The following SPI1 variants were observed in gnomAD, a reference collection of about 807,000 sequenced individuals.
SPI1 encodes Spi-1 proto-oncogene, also known as transcription factor PU.1.
A neutral mutation model predicts 30.7 loss-of-function variants in SPI1; 3 were observed. That is an observed-to-expected ratio of 0.10 (90% CI 0.04 to 0.25). The LOEUF (loss-of-function observed/expected upper bound fraction) is 0.25, where lower values mean the gene tolerates loss of function less well. Among genes scored for constraint, SPI1 ranks in the 10% least tolerant of loss-of-function variants. The probability of loss-of-function intolerance (pLI) is 1.00; values close to 1 mark genes in which losing one functional copy is unlikely to be tolerated. For missense variants in SPI1, 261 were observed against 371.5 expected (o/e 0.70, Z 2.45); for synonymous variants, 169 against 157.1 (o/e 1.08, Z -0.56).
chr11:47,375,095 C>A lies in SPI1; in HGVS notation c.142+538G>T, dbSNP rs540662211. Among the ~76,000 whole-genome samples the A allele has an allele frequency of 1.4e-4, 21 of 152,322 alleles. 1 individual carries two copies. Among genetic ancestry groups the A allele is most frequent in the Admixed American group, 1.3e-3 (20 of 15,308 alleles). On this transcript the variant is annotated intron_variant, in intron 2 of 4. Transcript: ENST00000378538. This position sits in a 1 kb window ranked among gnomAD's most constrained non-coding sequence, Gnocchi z 4.2. ...AGCAAGGATGCCACTAAGCTTCCTA[C>A]GGTACCCGGGACAGCCCACCCAGGA... is the stretch of plus-strand genomic sequence containing the variant.
chr11:47,358,646 C>T (rs2095915815), intron 4 of SPI1, 198 bp downstream of exon 4: 1 of 711,134 alleles, frequency 1.4e-6, no homozygotes, highest in Non-Finnish European at 2.5e-6. Context: ...ATGGAGATGC[C>T]CGTATGCACT....
intron 2 of SPI1, among the ~76,000 whole-genome samples, chr11:47,370,646 G>A (rs2095934492): frequency 6.6e-6 from 1 of 152,224 alleles, no homozygotes; most frequent in African/African-American, 2.4e-5. Flanking sequence ...AGGCTGCAGT[G>A]AGCAGAGATT....
chr11:47,362,006 CAG>C (rs2095921469), intron 2 of SPI1, among the ~76,000 whole-genome samples: 1 of 152,134 alleles, frequency 6.6e-6, no homozygotes, highest in Non-Finnish European at 1.5e-5. Context: ...AGCCACATGG[CAG>C]AGAGGAGAGA....
At chr11:47,363,063 C>A (rs930671308) in intron 2 of SPI1, among the ~76,000 whole-genome samples, 2 of 152,116 alleles carry the variant, frequency 1.3e-5, no homozygotes, top group Non-Finnish European at 2.9e-5. Context: ...AGAGAAATAA[C>A]TTTAGGGGAC....
chr11:47,355,966 CTCAT>C (rs2095908072), intron 4 of SPI1, among the ~76,000 whole-genome samples: 1 of 73,998 alleles, frequency 1.4e-5, no homozygotes, highest in African/African-American at 6.1e-5. Context: ...CAACCACTCA[CTCAT>C]GCTCACACCC....
At chr11:47,368,788 G>C (rs1418578072) in intron 2 of SPI1, among the ~76,000 whole-genome samples, 1 of 152,180 alleles carries the variant, frequency 6.6e-6, no homozygotes, top group Non-Finnish European at 1.5e-5. Flanking sequence ...CTGTTGTTCA[G>C]TGAATACAGA....
chr11:47,375,152 A>G lies in SPI1; in HGVS notation c.142+481T>C, dbSNP rs4752830. On this transcript the variant is annotated intron_variant, in intron 2 of 4. Coordinates refer to ENST00000378538, the MANE Select transcript of SPI1 (RefSeq NM_003120.3). The surrounding 1 kb of genome is among the most constrained non-coding windows in gnomAD (Gnocchi z 4.2). ...CCACCCAAAATGTCAGCAGTGCCACAGTTAGGAAACCCTGCCAACCACACA... is the reference window on the plus strand; with the variant it reads ...CCACCCAAAATGTCAGCAGTGCCACGGTTAGGAAACCCTGCCAACCACACA... Among the ~76,000 whole-genome samples the G allele has an allele frequency of 0.97, 147,628 of 152,290 alleles. 71,651 individuals carry two copies. Among genetic ancestry groups the G allele is most frequent in the Middle Eastern group, 1 (294 of 294 alleles).
intron 4 of SPI1, among the ~76,000 whole-genome samples, chr11:47,356,541 C>G (rs999276225): frequency 6.6e-6 from 1 of 151,112 alleles, no homozygotes; most frequent in East Asian, 1.9e-4. Flanking sequence ...CACCTCACAC[C>G]AGGTTCACAC....
chr11:47,360,712 C>A (rs547384917), intron 2 of SPI1, among the ~76,000 whole-genome samples: 1 of 151,808 alleles, frequency 6.6e-6, no homozygotes, highest in South Asian at 2.1e-4. Context: ...GTAATCCCAG[C>A]TACTCAGGAG....
At chr11:47,363,013 T>C (rs1565640129) in intron 2 of SPI1, among the ~76,000 whole-genome samples, 1 of 152,130 alleles carries the variant, frequency 6.6e-6, no homozygotes. Flanking sequence ...GTTTCTTTCC[T>C]CTTGTTCTCC....
At position 47,359,869 on chromosome 11, in the gene SPI1, G is replaced by A; in HGVS notation, c.314C>T (p.Pro105Leu). Residue 105 changes from proline (P) to leucine (L), a missense_variant, in exon 3 of 5, where the codon CCC becomes CTC. This residue lies in a region of SPI1 where 106 missense variants were observed against 102.0 expected (regional missense o/e 1.04). Transcript: ENST00000378538. The surrounding 1 kb of genome is among the most constrained non-coding windows in gnomAD (Gnocchi z 5.1). ...VLDTPMVPPH[P>L]SLGHQVSYLP... ...GGCATGCACCTGGTGGCCAAGACTG[G>A]GATGGGGTGGCACCATGGGGGTATC... The A allele has an allele frequency of 6.2e-7, 1 of 1,606,578 alleles. No homozygotes were observed. Among genetic ancestry groups the A allele is most frequent in the Non-Finnish European group, 8.5e-7 (1 of 1,179,812 alleles).
In SPI1 at chr11:47,355,558, A is replaced by G. The variant is rs1595853141; in HGVS notation, c.494-12T>C. The G allele has an allele frequency of 4.1e-6, 6 of 1,473,394 alleles. No individual in the cohort carries two copies. Among genetic ancestry groups the G allele is most frequent in the South Asian group, 2.5e-5 (2 of 81,456 alleles). 91.3% of individuals were successfully genotyped at this position (1,473,394 alleles called of 1,614,324 possible). ...CTTCTTCTTGCTGCCTGCGGGGGGG[A>G]GGGCCCGGTGGGAGGGGGCCCGGGG... On this transcript the variant is annotated splice_polypyrimidine_tract_variant and intron_variant, in intron 4 of 4. Coordinates refer to ENST00000378538, the MANE Select transcript of SPI1 (RefSeq NM_003120.3).
rs781101937 is a variant in SPI1, at chr11:47,375,096, G to A, written c.142+537C>T. Among the ~76,000 whole-genome samples the A allele has an allele frequency of 1.3e-5, 2 of 152,162 alleles. No individual in the cohort carries two copies. Among genetic ancestry groups the A allele is most frequent in the Non-Finnish European group, 2.9e-5 (2 of 68,034 alleles). On this transcript the variant is annotated intron_variant, in intron 2 of 4. Coordinates refer to ENST00000378538, the MANE Select transcript of SPI1 (RefSeq NM_003120.3). The surrounding 1 kb of genome is among the most constrained non-coding windows in gnomAD (Gnocchi z 4.2). ...GCAAGGATGCCACTAAGCTTCCTACGGTACCCGGGACAGCCCACCCAGGAA... is the reference window on the plus strand; with the variant it reads ...GCAAGGATGCCACTAAGCTTCCTACAGTACCCGGGACAGCCCACCCAGGAA...
intron 4 of SPI1, among the ~76,000 whole-genome samples, chr11:47,357,843 GCGTGA>G (rs1228723702): frequency 1.3e-5 from 2 of 151,896 alleles, no homozygotes; most frequent in African/African-American, 4.8e-5. Flanking sequence ...TGGGATACAG[GCGTGA>G]GCCACCACGC....
chr11:47,356,920 ACACCT>A (rs1464402536), intron 4 of SPI1, among the ~76,000 whole-genome samples: 1 of 136,984 alleles, frequency 7.3e-6, no homozygotes, highest in Admixed American at 7.8e-5. Flanking sequence ...TTGTGCTCAC[ACACCT>A]CACACCATTC....
At position 47,355,230 on chromosome 11, in the gene SPI1, G is replaced by C; in HGVS notation, c.810C>G (p.His270Gln). The stretch of plus-strand genomic sequence containing the variant: ...GGGCCCGGCGGGGGCTGCGGGCTCA[G>C]TGGGGCGGGTGGCGCCGCTCGGCCA... ...GGLAERRHPP[H>Q] is the part of the protein sequence containing the mutation. Residue 270 changes from histidine (H) to glutamine (Q), a missense_variant, in exon 5 of 5, where the codon CAC becomes CAG. His to Gln is a conservative substitution (Grantham distance 24). Coordinates refer to ENST00000378538, the MANE Select transcript of SPI1 (RefSeq NM_003120.3). The C allele has an allele frequency of 7.2e-7, 1 of 1,390,172 alleles. No homozygotes were observed. The allele number at this position is 1,390,172 out of a possible 1,614,324, so 86.1% of individuals were successfully genotyped here.
In SPI1 at chr11:47,378,527, C is replaced by A; in HGVS notation, c.-174G>T. On this transcript the variant is annotated 5_prime_UTR_variant, in exon 1 of 5. Transcript: ENST00000378538. ...AGCCCCCTCCCTTGACATTGCAGGG[C>A]CAGCACAAGTTCCTGATTTTATCGA... The A allele has an allele frequency of 1.6e-6, 1 of 629,760 alleles. No individual in the cohort carries two copies. The highest frequency in any genetic ancestry group is 2.8e-6 in the Non-Finnish European group (1 of 361,800). 39.0% of individuals were successfully genotyped at this position (629,760 alleles called of 1,614,324 possible). A position where few individuals can be genotyped will look rare whatever the true frequency, so the allele number is the denominator to read the frequency against.
In SPI1 at chr11:47,354,879, C is replaced by G; in HGVS notation, c.*348G>C. 4.8e-6 allele frequency: 1 copy of G among 207,358 alleles called. No individual in the cohort carries two copies. The highest frequency in any genetic ancestry group is 9.6e-6 in the Non-Finnish European group (1 of 103,726). The allele number at this position is 207,358 out of a possible 1,614,324, so 12.8% of individuals were successfully genotyped here. ...AGAGGATGGATTGAGAATAACTTTA[C>G]TTGTTTTTTGGGAGGAGGTTAATGG... On this transcript the variant is annotated 3_prime_UTR_variant, in exon 5 of 5. Transcript: ENST00000378538.
chr11:47,358,197 TCA>T (rs370494195), intron 4 of SPI1: 24 of 257,554 alleles, frequency 9.3e-5, no homozygotes, highest in Middle Eastern at 1.4e-3. Flanking sequence ...CTATGCCCAT[TCA>T]CACACACTTA....
Sources: allele counts gnomAD v4.1 joint callset (sites outside exome capture counted in the v4.1 genomes callset), GRCh38; gene constraint gnomAD v4.1.1; regional missense constraint gnomAD v4.1.1; non-coding constraint Gnocchi (gnomAD v3.1); transcripts MANE v1.5; gene names NCBI Gene and HGNC (gene_info 2026-07-23, HGNC 2026-07-21).